The following PAQR5 variants were observed in gnomAD, a reference collection of about 807,000 sequenced individuals.
PAQR5 encodes membrane progestin receptor gamma.
In PAQR5, 20 loss-of-function variants were observed where a neutral mutation model predicts 34.5. That is an observed-to-expected ratio of 0.58 (90% confidence interval 0.41 to 0.84). The LOEUF (loss-of-function observed/expected upper bound fraction) is 0.84. Ranked by LOEUF, PAQR5 falls within the 40% of genes least tolerant of loss-of-function variation. The pLI is 0.00. For synonymous variants in PAQR5, 131 were observed against 155.6 expected (o/e 0.84, Z 1.18); for missense variants, 378 against 412.7 (o/e 0.92, Z 0.73).
chr15:69,402,476 C>T (rs1444605000), intron 8 of PAQR5, among the ~76,000 whole-genome samples: 6 of 152,220 alleles, frequency 3.9e-5, no homozygotes, highest in African/African-American at 1.4e-4. Context: ...TGTCACCATG[C>T]CCGGCTAATT....
chr15:69,379,976 A>G lies in PAQR5; in HGVS notation c.145A>G (p.Thr49Ala). ...ILSLFQMTNE[T>A]LNIWTHLLPF... ...CAGCCTTTTCCAAATGACCAATGAG[A>G]CTCTCAACATTTGGACTCACTTGCT... Residue 49 changes from threonine (T) to alanine (A), a missense_variant, in exon 4 of 9, where the codon ACT (threonine) becomes GCT (alanine). By Grantham distance (58) the Thr-to-Ala change is moderately conservative (BLOSUM62 0). Coordinates refer to ENST00000395407, the MANE Select transcript of PAQR5 (RefSeq NM_017705.4). 1 of 1,613,970 alleles carries G rather than the reference A, an allele frequency of 6.2e-7. No individual in the cohort carries two copies. The highest frequency in any genetic ancestry group is 1.1e-5 in the South Asian group (1 of 91,072).
rs1454589451 is a variant in PAQR5 at position 69,397,506 on chromosome 15, T to C, written c.551T>C (p.Ile184Thr). 1 of 1,613,896 alleles carries C rather than the reference T, an allele frequency of 6.2e-7. No individual in the cohort carries two copies. Among genetic ancestry groups the C allele is most frequent in the African/African-American group, 1.3e-5 (1 of 74,954 alleles). The change falls in exon 7 of 9, where the codon ATT (isoleucine) becomes ACT (threonine). Residue 184 changes from isoleucine to threonine, a missense_variant. Transcript: ENST00000395407. Reference protein sequence around the residue: ...EIQKPRLCKVIRVLAFAYPYT... With the variant: ...EIQKPRLCKVTRVLAFAYPYT... ...CAGAAGCCCAGACTCTGTAAGGTGA[T>C]TCGTGTCCTCGCCTTTGCTTATCCG...
intron 3 of PAQR5, among the ~76,000 whole-genome samples, chr15:69,374,476 G>A (rs921586645): frequency 1.3e-5 from 2 of 152,170 alleles, no homozygotes; most frequent in Non-Finnish European, 2.9e-5. Flanking sequence ...AGGGGTTTGA[G>A]ACCAGCCTGA....
At chr15:69,332,852 G>C (rs982379288) in intron 1 of PAQR5, among the ~76,000 whole-genome samples, 1 of 144,424 alleles carries the variant, frequency 6.9e-6, no homozygotes, top group African/African-American at 2.6e-5. Context: ...CCATGGTTAA[G>C]TTATAACCTT....
At chr15:69,402,179 G>A (rs181405416) in intron 8 of PAQR5, among the ~76,000 whole-genome samples, 1 of 152,352 alleles carries the variant, frequency 6.6e-6, no homozygotes, top group East Asian at 1.9e-4. Flanking sequence ...CTGGAGGCTG[G>A]AAATCTGAGA....
At chr15:69,315,249 T>C (rs931003140) in intron 1 of PAQR5, among the ~76,000 whole-genome samples, 3 of 152,188 alleles carry the variant, frequency 2.0e-5, no homozygotes, top group African/African-American at 7.2e-5. Context: ...TCTGCTCTCA[T>C]GTGTCCCCTG....
intron 1 of PAQR5, among the ~76,000 whole-genome samples, chr15:69,330,631 C>T (rs920474315): frequency 1.3e-5 from 2 of 152,092 alleles, no homozygotes; most frequent in Non-Finnish European, 2.9e-5. Flanking sequence ...CTTCGACTCC[C>T]TATGATTTCA....
intron 1 of PAQR5, among the ~76,000 whole-genome samples, chr15:69,305,310 C>T (rs1945688084): frequency 6.6e-6 from 1 of 152,306 alleles, no homozygotes; most frequent in Middle Eastern, 3.4e-3. Context: ...TATGAAGACC[C>T]TCCCAACGGT....
intron 4 of PAQR5, among the ~76,000 whole-genome samples, chr15:69,383,199 G>A (rs1281602794): frequency 6.6e-6 from 1 of 152,210 alleles, no homozygotes; most frequent in African/African-American, 2.4e-5. Flanking sequence ...GTAGATAGGC[G>A]AGGATCTAAG....
At chr15:69,389,874 A>C in intron 6 of PAQR5, 94 bp downstream of exon 6, 2 of 1,449,380 alleles carry the variant, frequency 1.4e-6, no homozygotes, top group Non-Finnish European at 1.9e-6. Flanking sequence ...AGGTGGGCTC[A>C]ATGGAAAAGG....
In PAQR5 at chr15:69,404,030, AT is replaced by A; in HGVS notation, c.*209del. 5.3e-6 allele frequency: 3 copies of A among 570,888 alleles called. No individual in the cohort carries two copies. The allele number at this position is 570,888 out of a possible 1,614,324, so 35.4% of individuals were successfully genotyped here. ...CTGTGTGTGTGATTTTAAAAGGAGA[AT>A]ATGGTTCAAGCAAGTCCTTGTTAAG... On this transcript the variant is annotated 3_prime_UTR_variant, in exon 9 of 9. Coordinates refer to ENST00000395407, the MANE Select transcript of PAQR5 (RefSeq NM_017705.4).
chr15:69,385,332 G>A lies in PAQR5; in HGVS notation c.385+450G>A, dbSNP rs1249802093. Among the ~76,000 whole-genome samples the A allele has an allele frequency of 6.6e-6, 1 of 152,182 alleles. No homozygotes were observed. The highest frequency in any genetic ancestry group is 1.5e-5 in the Non-Finnish European group (1 of 68,042). On this transcript the variant is annotated intron_variant, in intron 5 of 8. Transcript: ENST00000395407. The surrounding 1 kb of genome is among the most constrained non-coding windows in gnomAD (Gnocchi z 4.7). ...TGATTTAATTTTTAATGATGGCTGT[G>A]TTCAGCACTCAGCTCTCTCACAGGC...
intron 2 of PAQR5, among the ~76,000 whole-genome samples, chr15:69,352,390 A>T (rs1386504506): frequency 6.6e-6 from 1 of 152,220 alleles, no homozygotes; most frequent in Non-Finnish European, 1.5e-5. Context: ...GCATTCCATC[A>T]TCAAATGGAA....
chr15:69,338,105 A>AAAC (rs956104729), intron 2 of PAQR5, among the ~76,000 whole-genome samples: 1 of 152,192 alleles, frequency 6.6e-6, no homozygotes, highest in African/African-American at 2.4e-5. Context: ...AAAAAACCAG[A>AAAC]AACAACAACA....
rs1226447954 is a variant in PAQR5 at position 69,363,536 on chromosome 15, G to GTTTTTTTTTTTTTTTTTTTTTTTTTT, written c.51+3411_51+3412insTTTTTTTTTTTTTTTTTTTTTTTTTT. ...ACATCGAGTGTCAAATTGCTAATCT[G>GTTTTTTTTTTTTTTTTTTTTTTTTTT]TTTTTTGTTTTTGTTTTTTTTTTTT... On this transcript the variant is annotated intron_variant, in intron 3 of 8. Coordinates refer to ENST00000395407, the MANE Select transcript of PAQR5 (RefSeq NM_017705.4). Among the ~76,000 whole-genome samples the GTTTTTTTTTTTTTTTTTTTTTTTTTT allele has an allele frequency of 2.4e-5, 2 of 82,002 alleles. 1 individual carries two copies. The highest frequency in any genetic ancestry group is 3.9e-4 in the Admixed American group (2 of 5,168). The allele number at this position is 82,002 out of a possible 152,430, so 53.8% of individuals were successfully genotyped here.
intron 1 of PAQR5, among the ~76,000 whole-genome samples, chr15:69,327,329 G>A (rs2054277183): frequency 6.6e-6 from 1 of 152,098 alleles, no homozygotes; most frequent in Admixed American, 6.5e-5. Context: ...GGCATCAGAA[G>A]TCTCTGCTTT....
chr15:69,348,143 G>A (rs966612497), intron 2 of PAQR5, among the ~76,000 whole-genome samples: 6 of 151,660 alleles, frequency 4.0e-5, no homozygotes, highest in African/African-American at 9.7e-5. Flanking sequence ...GTGTGATCTC[G>A]GGCAAGGTCC....
chr15:69,379,733 A>C (rs975701088), intron 3 of PAQR5, 150 bp from the exon 4 acceptor site: 1 of 1,221,460 alleles, frequency 8.2e-7, no homozygotes, highest in Non-Finnish European at 1.1e-6. Flanking sequence ...ACTGCGAGGG[A>C]AGGAGAGAGT....
chr15:69,319,187 A>ATT (rs1566995842), intron 1 of PAQR5, among the ~76,000 whole-genome samples: 21 of 6,116 alleles, frequency 3.4e-3, no homozygotes, highest in East Asian at 0.056. Context: ...ATATATATAT[A>ATT]TATATATATA....
Sources: allele counts gnomAD v4.1 joint callset (sites outside exome capture counted in the v4.1 genomes callset), GRCh38; gene constraint gnomAD v4.1.1; non-coding constraint Gnocchi (gnomAD v3.1); transcripts MANE v1.5; gene names NCBI Gene and HGNC (gene_info 2026-07-23, HGNC 2026-07-21).